Variants in CDH13 observed in about 807,000 individuals in gnomAD.
The protein encoded by CDH13 is cadherin-13.
In CDH13, 24 loss-of-function variants were observed where a neutral mutation model predicts 63.8. That is an observed-to-expected ratio of 0.38 (90% confidence interval 0.27 to 0.53). The LOEUF (loss-of-function observed/expected upper bound fraction) is 0.53. CDH13 is among the 20% of genes least tolerant of loss of function. The pLI is 0.85. For missense variants in CDH13, 1,049 were observed against 903.1 expected (o/e 1.16, Z -2.07); for synonymous variants, 503 against 355.3 (o/e 1.42, Z -4.67).
intron 1 of CDH13, among the ~76,000 whole-genome samples, chr16:82,698,694 A>C: frequency 6.6e-6 from 1 of 152,316 alleles, no homozygotes; most frequent in East Asian, 1.9e-4. Flanking sequence ...GCCCATTGTC[A>C]AAGAGGGAGG....
chr16:82,957,484 A>C (rs963546543), intron 2 of CDH13, among the ~76,000 whole-genome samples: 4 of 152,192 alleles, frequency 2.6e-5, no homozygotes, highest in Admixed American at 6.5e-5. Context: ...GTATGTTGGC[A>C]ATAGCATGCC....
chr16:83,422,837 C>A (rs1197854143), intron 6 of CDH13, among the ~76,000 whole-genome samples: 1 of 151,988 alleles, frequency 6.6e-6, no homozygotes, highest in African/African-American at 2.4e-5. Flanking sequence ...TAGAAAAGTG[C>A]CTGGGACACA....
At chr16:83,015,109 A>T (rs1016520291) in intron 2 of CDH13, among the ~76,000 whole-genome samples, 1 of 151,852 alleles carries the variant, frequency 6.6e-6, no homozygotes, top group Non-Finnish European at 1.5e-5. Context: ...GTGTATATAT[A>T]GCTTGCAAAT....
intron 1 of CDH13, among the ~76,000 whole-genome samples, chr16:82,807,191 T>C (rs985644679): frequency 2.6e-5 from 4 of 151,708 alleles, no homozygotes; most frequent in African/African-American, 9.7e-5. Context: ...CATATAAAAA[T>C]GCAATGCAGC....
chr16:83,008,709 G>T (rs763095249), intron 2 of CDH13, among the ~76,000 whole-genome samples: 1 of 152,196 alleles, frequency 6.6e-6, no homozygotes, highest in Non-Finnish European at 1.5e-5. Flanking sequence ...CCAGGCAGAA[G>T]ATCATGGTGG....
chr16:83,026,215 C>T (rs544389281), intron 2 of CDH13, among the ~76,000 whole-genome samples: 4 of 152,286 alleles, frequency 2.6e-5, no homozygotes, highest in African/African-American at 7.2e-5. Flanking sequence ...GTGAGATGCC[C>T]AAGGGGGCCA....
intron 1 of CDH13, among the ~76,000 whole-genome samples, chr16:82,783,056 G>A (rs1033827700): frequency 2.0e-5 from 3 of 152,170 alleles, no homozygotes; most frequent in African/African-American, 7.2e-5. Context: ...TAAATAGATT[G>A]GAAGCAAATG....
chr16:82,958,742 C>T (rs1389099445), intron 2 of CDH13, among the ~76,000 whole-genome samples: 4 of 152,240 alleles, frequency 2.6e-5, no homozygotes, highest in African/African-American at 9.6e-5. Context: ...CCATTGTCTT[C>T]AGGGACCAGT....
intron 7 of CDH13, among the ~76,000 whole-genome samples, chr16:83,498,521 C>T (rs1255664827): frequency 6.6e-6 from 1 of 152,170 alleles, no homozygotes; most frequent in Non-Finnish European, 1.5e-5. Context: ...CACCATGTGT[C>T]TTACATATCA....
chr16:83,276,658 C>T lies in CDH13; in HGVS notation c.636+59161C>T, dbSNP rs544168578. 5.3e-5 allele frequency among the ~76,000 whole-genome samples: 8 copies of T among 152,106 alleles called. No individual in the cohort carries two copies. In the East Asian group the frequency reaches 1.2e-3, roughly 22 times the overall value. ...GGCCAAGTCGGGAGGATCACGAGTT[C>T]GGGAGATCGAGACCATCCTGGCTAA... On this transcript the variant is annotated intron_variant, in intron 5 of 13. Coordinates refer to ENST00000567109, the MANE Select transcript of CDH13 (RefSeq NM_001257.5).
chr16:82,912,076 T>C (rs7184177), intron 2 of CDH13, among the ~76,000 whole-genome samples: 123,613 of 151,912 alleles, frequency 0.81, 50,510 homozygotes, highest in African/African-American at 0.89. Flanking sequence ...CTGCCGTCTC[T>C]TCAGCCATCC....
chr16:82,697,907 A>C (rs987269809), intron 1 of CDH13, among the ~76,000 whole-genome samples: 4 of 152,332 alleles, frequency 2.6e-5, no homozygotes, highest in Middle Eastern at 3.4e-3. Flanking sequence ...TTGTTGCCCC[A>C]ACATGACAGT....
intron 6 of CDH13, among the ~76,000 whole-genome samples, chr16:83,390,759 C>T (rs1250244472): frequency 6.6e-6 from 1 of 152,184 alleles, no homozygotes; most frequent in African/African-American, 2.4e-5. Flanking sequence ...CAGAATCACT[C>T]ACATTGCTGT....
chr16:83,427,635 G>C (rs887327726), intron 6 of CDH13, among the ~76,000 whole-genome samples: 2 of 152,122 alleles, frequency 1.3e-5, no homozygotes, highest in African/African-American at 2.4e-5. Context: ...AGCACCACTA[G>C]ATAACACAGC....
intron 1 of CDH13, among the ~76,000 whole-genome samples, chr16:82,673,878 G>C (rs1913584232): frequency 6.6e-6 from 1 of 152,188 alleles, no homozygotes; most frequent in Non-Finnish European, 1.5e-5. Flanking sequence ...CTCAAAAACT[G>C]AGAAAACTAA....
chr16:83,105,202 C>G (rs190159770), intron 3 of CDH13, among the ~76,000 whole-genome samples: 2 of 152,292 alleles, frequency 1.3e-5, no homozygotes, highest in Admixed American at 6.5e-5. Flanking sequence ...CTGCTTTCCC[C>G]AGGATCACCG....
intron 5 of CDH13, among the ~76,000 whole-genome samples, chr16:83,261,929 C>T (rs1196490955): frequency 1.3e-5 from 2 of 152,080 alleles, no homozygotes; most frequent in Non-Finnish European, 2.9e-5. Flanking sequence ...GAGTTCCCTC[C>T]CTTTGCTGAT....
At chr16:82,854,033 C>T (rs2039593575) in intron 1 of CDH13, among the ~76,000 whole-genome samples, 1 of 152,116 alleles carries the variant, frequency 6.6e-6, no homozygotes, top group South Asian at 2.1e-4. Flanking sequence ...ACCAAAGTTA[C>T]TGTGAATGAA....
At chr16:82,815,330 C>G in intron 1 of CDH13, among the ~76,000 whole-genome samples, 1 of 152,264 alleles carries the variant, frequency 6.6e-6, no homozygotes, top group African/African-American at 2.4e-5. Flanking sequence ...TTGCCTCTCA[C>G]TCTCTGCCTC....
Sources: allele counts gnomAD v4.1 joint callset (sites outside exome capture counted in the v4.1 genomes callset), GRCh38; gene constraint gnomAD v4.1.1; transcripts MANE v1.5; gene names NCBI Gene and HGNC (gene_info 2026-07-23, HGNC 2026-07-21).